Variants in NFATC1 observed in about 807,000 individuals in gnomAD.
NFATC1 encodes the protein nuclear factor of activated T-cells, cytoplasmic 1.
Under a neutral mutation model 76.0 loss-of-function variants are expected in NFATC1, and 22 were observed. The ratio of observed to expected loss-of-function variants is 0.29; its 90% CI spans 0.21 to 0.41. The LOEUF (loss-of-function observed/expected upper bound fraction) is 0.41, where lower values mean the gene tolerates loss of function less well. Among genes scored for constraint, NFATC1 ranks in the 10% least tolerant of loss-of-function variants. The pLI, the probability that NFATC1 is intolerant of heterozygous loss-of-function variation, is 1.00. For synonymous variants in NFATC1, 704 were observed against 613.1 expected (o/e 1.15, Z -2.19); for missense variants, 1,357 against 1,337.7 (o/e 1.01, Z -0.23).
Position 79,396,213 on chromosome 18 carries a change from G to A in NFATC1, c.-12G>A, listed in dbSNP as rs1330612900. 6.8e-7 allele frequency: 1 copy of A among 1,471,336 alleles called. No individual in the cohort carries two copies. The highest frequency in any genetic ancestry group is 2.1e-5 in the Admixed American group (1 of 48,144). The allele number at this position is 1,471,336 out of a possible 1,614,324, so 91.1% of individuals were successfully genotyped here. The stretch of plus-strand genomic sequence containing the variant: ...TCCGCCCGCCGCTCCACTCCCCGCC[G>A]CCGCCGCGCGGATGCCAAGCACCAG... On this transcript the variant is annotated 5_prime_UTR_variant, in exon 1 of 10. Transcript: ENST00000427363.
chr18:79,397,901 C>T (rs1250459964), intron 1 of NFATC1, among the ~76,000 whole-genome samples: 2 of 152,192 alleles, frequency 1.3e-5, no homozygotes, highest in Non-Finnish European at 2.9e-5. Flanking sequence ...CGGGCAGCGA[C>T]GCCCGACCGA....
At chr18:79,502,983 G>A (rs1397572359) in intron 9 of NFATC1, among the ~76,000 whole-genome samples, 3 of 152,196 alleles carry the variant, frequency 2.0e-5, no homozygotes, top group Non-Finnish European at 2.9e-5. Context: ...TGTATTCAAG[G>A]AAACAGATGC....
In NFATC1 at chr18:79,411,471, C is replaced by T; in HGVS notation, c.1196C>T (p.Pro399Leu). 6 of 1,509,374 alleles carry T rather than the reference C, an allele frequency of 4.0e-6. No homozygotes were observed. The highest frequency in any genetic ancestry group is 5.3e-6 in the Non-Finnish European group (6 of 1,133,076). The allele number at this position is 1,509,374 out of a possible 1,614,324, so 93.5% of individuals were successfully genotyped here. ...VPQHPYQWAK[P>L]KPLSPTSYMS... ...CAGCACCCCTACCAGTGGGCGAAGC[C>T]CAAGCCCCTGTCCCCTACGTCCTAC... Residue 399 changes from proline to leucine, a missense_variant, in exon 2 of 10, where the codon CCC becomes CTC. This residue lies in a region of NFATC1 where 691 missense variants were observed against 613.1 expected (regional missense o/e 1.13). Transcript: ENST00000427363.
chr18:79,527,440 C>G lies in NFATC1; in HGVS notation c.2783-88C>G, dbSNP rs535298168. The G allele has an allele frequency of 3.4e-4, 358 of 1,056,008 alleles. 4 individuals carry two copies. The East Asian group carries it at 3.4e-3, about 10-fold the overall frequency. The allele number at this position is 1,056,008 out of a possible 1,614,324, so 65.4% of individuals were successfully genotyped here. On this transcript the variant is annotated intron_variant, in intron 9 of 9. Coordinates refer to ENST00000427363, the MANE Select transcript of NFATC1 (RefSeq NM_001278669.2). ...GGAGATGCCTTGTCACAGGCGTGAG[C>G]GTCACTGATGGAGAAGCAGGGCTGG...
intron 2 of NFATC1, among the ~76,000 whole-genome samples, chr18:79,433,179 T>C (rs1481574779): frequency 6.6e-6 from 1 of 152,214 alleles, no homozygotes; most frequent in African/African-American, 2.4e-5. Context: ...GTCACCTGTC[T>C]CATGGCAGCC....
chr18:79,467,338 G>T, intron 7 of NFATC1, 112 bp from the exon 8 acceptor site: 1 of 1,056,140 alleles, frequency 9.5e-7, no homozygotes, highest in Non-Finnish European at 1.4e-6. Flanking sequence ...TGGAAACGCG[G>T]GGTTGCCGTG....
intron 1 of NFATC1, among the ~76,000 whole-genome samples, chr18:79,400,698 G>T (rs1271786299): frequency 6.6e-6 from 1 of 151,340 alleles, no homozygotes; most frequent in African/African-American, 2.4e-5. Flanking sequence ...GAAGAGCGCA[G>T]CCCGGACACG....
intron 1 of NFATC1, among the ~76,000 whole-genome samples, chr18:79,401,411 T>C (rs649774): frequency 0.92 from 139,589 of 152,300 alleles, 64,044 homozygotes; most frequent in East Asian, 1. Context: ...CAACCAAACC[T>C]GTGCTGCCTG....
At position 79,406,855 on chromosome 18, in the gene NFATC1, C is replaced by T. The variant is rs1033880897; in HGVS notation, c.128-3548C>T. Among the ~76,000 whole-genome samples the T allele has an allele frequency of 4.6e-5, 7 of 151,982 alleles. No individual in the cohort carries two copies. The South Asian group carries it at 6.2e-4, about 13-fold the overall frequency. ...AGACCCCCAGCCGCAGAGCCAGCCA[C>T]GGCTCCGCGGGTCTTCCGCAGCGCT... On this transcript the variant is annotated intron_variant, in intron 1 of 9. Transcript: ENST00000427363.
At chr18:79,522,338 G>A (rs1429413166) in intron 9 of NFATC1, among the ~76,000 whole-genome samples, 1 of 119,812 alleles carries the variant, frequency 8.3e-6, no homozygotes, top group Non-Finnish European at 1.7e-5. Flanking sequence ...TTTTGTGTGT[G>A]GTGGGGGGTG....
At position 79,402,149 on chromosome 18, in the gene NFATC1, G is replaced by A. The variant is rs1387200880; in HGVS notation, c.127+5798G>A. On this transcript the variant is annotated intron_variant, in intron 1 of 9. Coordinates refer to ENST00000427363, the MANE Select transcript of NFATC1 (RefSeq NM_001278669.2). The stretch of plus-strand genomic sequence containing the variant: ...GTGACTGTGCGCGACAGCAGCCTCG[G>A]GAAGGACACCGCCGGCGGCGGCATC... Among the ~76,000 whole-genome samples, 4 of 152,236 alleles carry A rather than the reference G, an allele frequency of 2.6e-5. No homozygotes were observed. The East Asian group carries it at 7.7e-4, about 29-fold the overall frequency.
intron 1 of NFATC1, among the ~76,000 whole-genome samples, chr18:79,406,182 A>T (rs1308070076): frequency 6.6e-6 from 1 of 152,250 alleles, no homozygotes; most frequent in Non-Finnish European, 1.5e-5. Context: ...GTTTTAAAAA[A>T]TTCTTCAGAA....
chr18:79,521,097 GTGTC>G (rs1447020050), intron 9 of NFATC1, among the ~76,000 whole-genome samples: 3 of 101,530 alleles, frequency 3.0e-5, no homozygotes, highest in East Asian at 3.5e-4. Context: ...GCTGATGTGT[GTGTC>G]TGTGTGTGTG....
At position 79,451,086 on chromosome 18, in the gene NFATC1, C is replaced by T; in HGVS notation, c.1722C>T (p.Arg574=). ...TTCACGTCCCGCAACCCAGCGGCCG[C>T]ACGCTGTCCCTGCAGGTGGCCTCCA... ...FRVHVPQPSG[R]TLSLQVASNP... Residue 574 remains arginine (R), a synonymous_variant, in exon 5 of 10, where the codon CGC becomes CGT. Transcript: ENST00000427363. 6.2e-7 allele frequency: 1 copy of T among 1,613,100 alleles called. No homozygotes were observed. Among genetic ancestry groups the T allele is most frequent in the South Asian group, 1.1e-5 (1 of 91,078 alleles).
chr18:79,475,643 T>G lies in NFATC1; in HGVS notation c.2092+8061T>G, dbSNP rs144318034. Among the ~76,000 whole-genome samples, 341 of 152,324 alleles carry G rather than the reference T, an allele frequency of 2.2e-3. 1 individual carries two copies. The highest frequency in any genetic ancestry group is 3.6e-3 in the Non-Finnish European group (243 of 68,016). ...GAGGGAAGCGTGTTCTCACGCTCAC[T>G]GTCAACGTTGTAAACCTGAGGGAAA... On this transcript the variant is annotated intron_variant, in intron 8 of 9. Transcript: ENST00000427363.
At chr18:79,469,267 T>C (rs1234315516) in intron 8 of NFATC1, 7 of 945,780 alleles carry the variant, frequency 7.4e-6, no homozygotes, top group Non-Finnish European at 8.8e-6. Flanking sequence ...ACCTAGGCCT[T>C]ATAGAGAAGG....
At chr18:79,404,502 A>G (rs2085368378) in intron 1 of NFATC1, among the ~76,000 whole-genome samples, 1 of 152,126 alleles carries the variant, frequency 6.6e-6, no homozygotes, top group African/African-American at 2.4e-5. Context: ...TTTTATTTCC[A>G]ATACATTCAC....
chr18:79,517,162 T>C (rs558663023), intron 9 of NFATC1, among the ~76,000 whole-genome samples: 1 of 152,374 alleles, frequency 6.6e-6, no homozygotes, highest in African/African-American at 2.4e-5. Context: ...TATTTAAGAA[T>C]AGGATTTGGC....
chr18:79,483,080 G>C lies in NFATC1; in HGVS notation c.2093-3168G>C, dbSNP rs1449099276. ...CTGGGGTGTCACTCCAGCGTGACCT[G>C]GTACTGGGGTGTAATTCCAGCGTGA... On this transcript the variant is annotated intron_variant, in intron 8 of 9. Transcript: ENST00000427363. 3.8e-5 allele frequency among the ~76,000 whole-genome samples: 5 copies of C among 132,816 alleles called. No individual in the cohort carries two copies. The East Asian group carries it at 8.7e-4, about 23-fold the overall frequency. The allele number at this position is 132,816 out of a possible 152,430, so 87.1% of individuals were successfully genotyped here. A position where few individuals can be genotyped will look rare whatever the true frequency, so the allele number is the denominator to read the frequency against.
Sources: allele counts gnomAD v4.1 joint callset (sites outside exome capture counted in the v4.1 genomes callset), GRCh38; gene constraint gnomAD v4.1.1; regional missense constraint gnomAD v4.1.1; transcripts MANE v1.5; gene names NCBI Gene and HGNC (gene_info 2026-07-23, HGNC 2026-07-21).